Variants in PRP4K observed in about 807,000 individuals in gnomAD.
PRP4K encodes the protein pre-mRNA processing factor kinase PRP4K.
At chr6:4,028,182 A>G in the PRP4K span, among the ~76,000 whole-genome samples, 1 of 152,068 alleles carries the variant, frequency 6.6e-6, no homozygotes, top group Non-Finnish European at 1.5e-5. Context: ...TAAAACAATG[A>G]TGGTGTTTTG....
the PRP4K span, chr6:4,044,008 G>A: frequency 1.2e-6 from 2 of 1,614,008 alleles, no homozygotes; most frequent in East Asian, 2.2e-5. Context: ...TCTAATGACA[G>A]TTGAACAGAA....
chr6:4,060,339 C>A, the PRP4K span: 1 of 1,370,138 alleles, frequency 7.3e-7, no homozygotes, highest in South Asian at 1.4e-5. This position sits in a 1 kb window ranked among gnomAD's most constrained non-coding sequence, Gnocchi z 4.7. Context: ...TTGATAGACC[C>A]CAAAACAATC....
the PRP4K span, among the ~76,000 whole-genome samples, chr6:4,036,951 A>G: frequency 1.4e-5 from 2 of 147,138 alleles, no homozygotes; most frequent in Non-Finnish European, 3.0e-5. Flanking sequence ...GCGCCACTGC[A>G]CTCCAGCCTG....
the PRP4K span, among the ~76,000 whole-genome samples, chr6:4,039,321 T>C: frequency 1.3e-5 from 2 of 152,340 alleles, no homozygotes; most frequent in Non-Finnish European, 2.9e-5. Context: ...TTTCTTGGGC[T>C]ATGAGTTTTC....
the PRP4K span, among the ~76,000 whole-genome samples, chr6:4,042,801 A>G: frequency 6.6e-6 from 1 of 152,206 alleles, no homozygotes; most frequent in Non-Finnish European, 1.5e-5. Context: ...TCTGATGTAA[A>G]CCTCTTCTGT....
chr6:4,048,222 C>CA, the PRP4K span, among the ~76,000 whole-genome samples: 7,767 of 151,660 alleles, frequency 0.051, 661 homozygotes, highest in African/African-American at 0.18. Flanking sequence ...ACTAAAAATA[C>CA]AAAAAAATAA....
At chr6:4,023,023 A>G in the PRP4K span, among the ~76,000 whole-genome samples, 2 of 150,658 alleles carry the variant, frequency 1.3e-5, no homozygotes, top group Non-Finnish European at 3.0e-5. Context: ...TATGAGTAAC[A>G]GAGATAATCT....
the PRP4K span, chr6:4,032,440 G>A: frequency 1.5e-5 from 24 of 1,613,940 alleles, no homozygotes; most frequent in Middle Eastern, 1.6e-4. Context: ...AGAAGGTCAC[G>A]GTCCAAAGAG....
chr6:4,035,711 T>G, the PRP4K span, among the ~76,000 whole-genome samples: 2 of 152,164 alleles, frequency 1.3e-5, no homozygotes, highest in Admixed American at 6.5e-5. Context: ...CTCACGCCTG[T>G]GTTCCAGCAC....
At chr6:4,052,285 GTCTCACTCTGTT>G in the PRP4K span, among the ~76,000 whole-genome samples, 1 of 151,768 alleles carries the variant, frequency 6.6e-6, no homozygotes, top group Non-Finnish European at 1.5e-5. Context: ...TGTTGAGACA[GTCTCACTCTGTT>G]GCTCCTCCCG....
At chr6:4,042,435 A>C in the PRP4K span, 3 of 1,366,570 alleles carry the variant, frequency 2.2e-6, no homozygotes, top group Admixed American at 4.0e-5. Flanking sequence ...TTTAAAATGT[A>C]TAAGGGGTAT....
chr6:4,049,155 A>G, the PRP4K span: 3 of 1,444,146 alleles, frequency 2.1e-6, no homozygotes, highest in Non-Finnish European at 2.9e-6. Context: ...AACACCATGC[A>G]AAAGCATGCT....
chr6:4,031,691 A>T, the PRP4K span: 1 of 1,605,078 alleles, frequency 6.2e-7, no homozygotes, highest in Non-Finnish European at 8.5e-7. Flanking sequence ...AGAAACATAA[A>T]CATTCCTCAG....
the PRP4K span, among the ~76,000 whole-genome samples, chr6:4,028,912 G>GAA: frequency 6.6e-6 from 1 of 151,850 alleles, no homozygotes; most frequent in Admixed American, 6.6e-5. Context: ...TGCAGTTCCT[G>GAA]GGCCTCTGTG....
chr6:4,055,765 T>C, the PRP4K span, among the ~76,000 whole-genome samples: 1 of 152,264 alleles, frequency 6.6e-6, no homozygotes, highest in Admixed American at 6.5e-5. Flanking sequence ...ATTTAACATT[T>C]TCTTGACTAA....
the PRP4K span, among the ~76,000 whole-genome samples, chr6:4,052,426 T>A: frequency 6.6e-6 from 1 of 152,196 alleles, no homozygotes; most frequent in Non-Finnish European, 1.5e-5. Flanking sequence ...TGTGGCTTTG[T>A]TGTGTTTTCA....
chr6:4,032,879 G>A, the PRP4K span: 7 of 1,126,924 alleles, frequency 6.2e-6, no homozygotes, highest in Non-Finnish European at 8.1e-6. Context: ...AAGTAGTAAT[G>A]AGTTTCATAA....
chr6:4,061,248 T>C, the PRP4K span: 1 of 152,898 alleles, frequency 6.5e-6, no homozygotes, highest in Non-Finnish European at 1.5e-5. Context: ...TCCCTGCATG[T>C]GTGATAACTG....
At chr6:4,037,606 T>C in the PRP4K span, 4 of 1,580,182 alleles carry the variant, frequency 2.5e-6, no homozygotes, top group Non-Finnish European at 3.4e-6. Flanking sequence ...CATTAAACTC[T>C]GAATGTTTTT....
Sources: gnomAD v4.1 joint callset for allele counts (sites outside exome capture counted in the v4.1 genomes callset) on GRCh38, gnomAD v4.1.1 for gene constraint, Gnocchi (gnomAD v3.1) non-coding constraint, MANE v1.5 for transcripts, NCBI Gene and HGNC (gene_info 2026-07-23, HGNC 2026-07-21) for gene names.